CDH18: variants seen among roughly 807,000 people sequenced by gnomAD.
The protein encoded by CDH18 is cadherin 18.
CDH18 carries 31 observed loss-of-function variants against 67.9 expected under a neutral mutation model. The ratio of observed to expected loss-of-function variants is 0.46; its 90% CI spans 0.34 to 0.62. CDH18 has a LOEUF of 0.62. Ranked by LOEUF, CDH18 falls within the 20% of genes least tolerant of loss-of-function variation. The pLI is 0.01. For missense variants in CDH18, 890 were observed against 975.5 expected (o/e 0.91, Z 1.17); for synonymous variants, 362 against 347.2 (o/e 1.04, Z -0.48).
Position 19,839,217 on chromosome 5 carries a change from G to A in CDH18, c.-231C>T, listed in dbSNP as rs569324999. ...TGTCTGATTCCAACTCTTCACAGTA[G>A]TTGAACACAAGCAACCATTTTCAAC... On this transcript the variant is annotated 5_prime_UTR_variant, in exon 3 of 13. Coordinates refer to ENST00000382275, the MANE Select transcript of CDH18 (RefSeq NM_004934.5). 8.3e-6 allele frequency: 4 copies of A among 480,724 alleles called. No homozygotes were observed. In the South Asian group the frequency reaches 1.3e-4, roughly 15 times the overall value. 29.8% of individuals were successfully genotyped at this position (480,724 alleles called of 1,614,324 possible). A position where few individuals can be genotyped will look rare whatever the true frequency, so the allele number is the denominator to read the frequency against.
intron 7 of CDH18, among the ~76,000 whole-genome samples, chr5:19,583,915 A>C (rs1743682999): frequency 6.6e-6 from 1 of 152,172 alleles, no homozygotes; most frequent in Non-Finnish European, 1.5e-5. Context: ...TTTTTGGCTT[A>C]AGTTAATTTG....
intron 1 of CDH18, among the ~76,000 whole-genome samples, chr5:20,277,297 T>A (rs927512443): frequency 2.6e-5 from 4 of 151,882 alleles, no homozygotes; most frequent in African/African-American, 7.3e-5. Context: ...TCAAGGCAAC[T>A]CAGCACAGAG....
intron 3 of CDH18, among the ~76,000 whole-genome samples, chr5:19,795,070 G>A (rs570551415): frequency 9.9e-5 from 15 of 152,160 alleles, no homozygotes; most frequent in African/African-American, 3.4e-4. Flanking sequence ...TTCTTGCAGA[G>A]AAATGAGCTT....
At chr5:19,485,070 CATA>C (rs1318485647) in intron 11 of CDH18, among the ~76,000 whole-genome samples, 1 of 151,822 alleles carries the variant, frequency 6.6e-6, no homozygotes, top group African/African-American at 2.4e-5. Flanking sequence ...GCTAAATTAA[CATA>C]ATAAAAAAGC....
chr5:20,230,784 A>G lies in CDH18; in HGVS notation c.-518+24660T>C, dbSNP rs181077631. Among the ~76,000 whole-genome samples the G allele has an allele frequency of 3.9e-5, 6 of 152,324 alleles. No individual in the cohort carries two copies. The East Asian group carries it at 1.2e-3, about 29-fold the overall frequency. Reference sequence around the variant, plus strand: ...AGAATAGTTTTATTTTCTATTACATACTAATAAACTGGAATTGAATATAGC... The same window carrying G: ...AGAATAGTTTTATTTTCTATTACATGCTAATAAACTGGAATTGAATATAGC... On this transcript the variant is annotated intron_variant, in intron 2 of 14. Coordinates refer to the CDH18 transcript ENST00000507958.
intron 1 of CDH18, among the ~76,000 whole-genome samples, chr5:20,501,323 C>T (rs992754579): frequency 6.6e-6 from 1 of 150,408 alleles, no homozygotes; most frequent in Admixed American, 6.7e-5. Flanking sequence ...CAAATAGATA[C>T]TGTTCTACAG....
chr5:19,633,098 A>AT (rs1286987711), intron 5 of CDH18, among the ~76,000 whole-genome samples: 1 of 152,142 alleles, frequency 6.6e-6, no homozygotes, highest in Non-Finnish European at 1.5e-5. Context: ...ATGTTTGAAA[A>AT]TTCCTATACA....
At chr5:19,763,490 C>T (rs1420045301) in intron 3 of CDH18, among the ~76,000 whole-genome samples, 1 of 152,092 alleles carries the variant, frequency 6.6e-6, no homozygotes, top group African/African-American at 2.4e-5. Context: ...GTGGAAGAAT[C>T]CAGGTACAGG....
At chr5:19,492,950 T>C (rs535207661) in intron 11 of CDH18, among the ~76,000 whole-genome samples, 6 of 152,330 alleles carry the variant, frequency 3.9e-5, no homozygotes, top group African/African-American at 1.4e-4. Context: ...TAGTCATTAG[T>C]ATGTTCTCAT....
chr5:19,754,008 G>A (rs111248620), intron 3 of CDH18, among the ~76,000 whole-genome samples: 21 of 152,072 alleles, frequency 1.4e-4, no homozygotes, highest in East Asian at 7.7e-4. Flanking sequence ...TCCTTGAAAC[G>A]CATCAAAACG....
At chr5:19,892,433 TTAC>T (rs1788873333) in intron 2 of CDH18, among the ~76,000 whole-genome samples, 1 of 152,156 alleles carries the variant, frequency 6.6e-6, no homozygotes, top group Non-Finnish European at 1.5e-5. Flanking sequence ...TGTAATGTTA[TTAC>T]CCTCATAATC....
intron 8 of CDH18, among the ~76,000 whole-genome samples, chr5:19,554,657 TA>T (rs1458305471): frequency 1.3e-5 from 2 of 152,128 alleles, no homozygotes; most frequent in Non-Finnish European, 2.9e-5. Flanking sequence ...AAGCTAGGGC[TA>T]AGGTACTTAT....
At chr5:20,417,861 G>C (rs925713076) in intron 1 of CDH18, among the ~76,000 whole-genome samples, 1 of 152,126 alleles carries the variant, frequency 6.6e-6, no homozygotes, top group African/African-American at 2.4e-5. Context: ...CTCCCAAATA[G>C]TTATAACATC....
At chr5:20,245,781 ATTTG>A (rs1306747987) in intron 2 of CDH18, among the ~76,000 whole-genome samples, 1 of 152,118 alleles carries the variant, frequency 6.6e-6, no homozygotes, top group Non-Finnish European at 1.5e-5. Context: ...AATCCTTAGT[ATTTG>A]TTGTCACTCC....
At position 20,239,907 on chromosome 5, in the gene CDH18, T is replaced by TA. The variant is rs538664467; in HGVS notation, c.-518+15536dup. Among the ~76,000 whole-genome samples the TA allele has an allele frequency of 2.4e-3, 342 of 144,464 alleles. 1 individual carries two copies. The highest frequency in any genetic ancestry group is 7.2e-3 in the African/African-American group (285 of 39,322). The allele number at this position is 144,464 out of a possible 152,430, so 94.8% of individuals were successfully genotyped here. On this transcript the variant is annotated intron_variant, in intron 2 of 14. Transcript: ENST00000507958. ...GTTATGAGGTAAAAAAGTGTTGAAATAAAAAAAAAATAAACAGAGAATATA... is the reference window on the plus strand; with the variant it reads ...GTTATGAGGTAAAAAAGTGTTGAAATAAAAAAAAAAATAAACAGAGAATATA...
intron 1 of CDH18, among the ~76,000 whole-genome samples, chr5:20,435,469 A>C (rs528552342): frequency 6.6e-6 from 1 of 152,058 alleles, no homozygotes; most frequent in Non-Finnish European, 1.5e-5. Context: ...CCCCAACCTC[A>C]GGCCTGCAAA....
intron 1 of CDH18, among the ~76,000 whole-genome samples, chr5:19,983,419 C>T (rs1799258791): frequency 6.6e-6 from 1 of 152,164 alleles, no homozygotes; most frequent in South Asian, 2.1e-4. Flanking sequence ...GGCGTCTGCA[C>T]ATCTTCAATT....
At chr5:19,992,756 A>G (rs1013290946), upstream of CDH18, among the ~76,000 whole-genome samples, 3 of 151,408 alleles carry the variant, frequency 2.0e-5, no homozygotes, top group Non-Finnish European at 4.4e-5. Context: ...TGGAAATAGA[A>G]AAAAAAAAGT....
intron 2 of CDH18, among the ~76,000 whole-genome samples, chr5:19,887,825 G>A (rs1188888392): frequency 1.3e-5 from 2 of 151,598 alleles, no homozygotes; most frequent in African/African-American, 4.8e-5. Flanking sequence ...TCCTGCCTCA[G>A]CCACCCAAAG....
Sources: allele counts gnomAD v4.1 joint callset (sites outside exome capture counted in the v4.1 genomes callset), GRCh38; gene constraint gnomAD v4.1.1; transcripts MANE v1.5; gene names NCBI Gene and HGNC (gene_info 2026-07-23, HGNC 2026-07-21).